MED12L: variants seen among roughly 807,000 people sequenced by gnomAD.
MED12L encodes the protein mediator of RNA polymerase II transcription subunit 12-like protein.
In MED12L, 60 loss-of-function variants were observed where a neutral mutation model predicts 281.3. The ratio of observed to expected loss-of-function variants is 0.21; its 90% CI spans 0.17 to 0.26. The LOEUF is 0.26. Ranked by LOEUF, MED12L falls within the 10% of genes least tolerant of loss-of-function variation. The pLI, the probability that MED12L is intolerant of heterozygous loss-of-function variation, is 1.00. For synonymous variants in MED12L, 974 were observed against 987.2 expected, an observed-to-expected ratio of 0.99 and a Z score of 0.25; for missense variants, 2,146 against 2,680.9, an observed-to-expected ratio of 0.80 and a Z score of 4.41.
intron 44 of MED12L, 74 bp downstream of exon 44, chr3:151,430,454 C>A (rs556873324): frequency 1.3e-6 from 2 of 1,597,474 alleles, no homozygotes; most frequent in East Asian, 4.5e-5. Context: ...CGTAAAGTGG[C>A]GGCTCTCCCA....
At position 151,362,037 on chromosome 3, in the gene MED12L, A is replaced by AT. The variant is rs1023432591; in HGVS notation, c.2957+1440dup. ...GGTAGGGAAAGGATGTTCAACTACC[A>AT]TTTTTTTTCCTTTGTCATACCTCGT... is the stretch of plus-strand genomic sequence containing the variant. On this transcript the variant is annotated intron_variant, in intron 21 of 44. Coordinates refer to ENST00000687756, the MANE Select transcript of MED12L (RefSeq NM_001393769.1). Among the ~76,000 whole-genome samples, 7 of 151,542 alleles carry AT rather than the reference A, an allele frequency of 4.6e-5. No individual in the cohort carries two copies. In the East Asian group the frequency reaches 1.2e-3, roughly 25 times the overall value.
At chr3:151,267,542 C>T (rs1230893489) in intron 16 of MED12L, among the ~76,000 whole-genome samples, 1 of 152,218 alleles carries the variant, frequency 6.6e-6, no homozygotes, top group Non-Finnish European at 1.5e-5. Flanking sequence ...ATGAGAGCCT[C>T]GGTCCTTGCT....
intron 5 of MED12L, among the ~76,000 whole-genome samples, chr3:151,130,791 G>C (rs1406550446): frequency 6.6e-6 from 1 of 152,156 alleles, no homozygotes; most frequent in African/African-American, 2.4e-5. Flanking sequence ...CCCTGTTACT[G>C]TCTTCTTATT....
intron 3 of MED12L, 110 bp from the exon 4 acceptor site, chr3:151,122,673 T>C: frequency 2.8e-6 from 2 of 726,982 alleles, no homozygotes; most frequent in Non-Finnish European, 4.2e-6. Flanking sequence ...TATTTTCTGA[T>C]GGGATGTATG....
At position 151,129,528 on chromosome 3, in the gene MED12L, AAAGAAGTGCCCCTTTTTATT is replaced by A. The variant is rs1408761200; in HGVS notation, c.556+1546_556+1565del. On this transcript the variant is annotated intron_variant, in intron 5 of 44. Transcript: ENST00000687756. Reference sequence around the variant, plus strand: ...ATTTTATTTTATTTGAGGGAATACAAAAGAAGTGCCCCTTTTTATTACTAAAGTAATACATTTTCATTACA... The same window carrying A: ...ATTTTATTTTATTTGAGGGAATACAAACTAAAGTAATACATTTTCATTACA... 8.5e-5 allele frequency among the ~76,000 whole-genome samples: 13 copies of A among 152,248 alleles called. No homozygotes were observed. The East Asian group carries it at 2.3e-3, about 27-fold the overall frequency.
chr3:151,263,282 C>G (rs1009690539), intron 16 of MED12L, among the ~76,000 whole-genome samples: 1 of 152,124 alleles, frequency 6.6e-6, no homozygotes, highest in Non-Finnish European at 1.5e-5. Flanking sequence ...GAAATAATGC[C>G]AGCTGAGTGG....
chr3:151,144,326 T>C (rs1275936693), intron 5 of MED12L, among the ~76,000 whole-genome samples: 3 of 152,076 alleles, frequency 2.0e-5, no homozygotes, highest in African/African-American at 7.2e-5. Context: ...AAAATGAGAA[T>C]TGGAGACCTG....
At chr3:151,251,316 C>T (rs1232264220) in intron 16 of MED12L, among the ~76,000 whole-genome samples, 3 of 152,160 alleles carry the variant, frequency 2.0e-5, no homozygotes, top group Non-Finnish European at 2.9e-5. Context: ...ACCCATTACC[C>T]AAGCTGTCAA....
At chr3:151,312,277 T>G (rs1747652201) in intron 16 of MED12L, among the ~76,000 whole-genome samples, 1 of 152,222 alleles carries the variant, frequency 6.6e-6, no homozygotes, top group South Asian at 2.1e-4. Flanking sequence ...ATTTATGCAT[T>G]GTTTTCTTGG....
intron 5 of MED12L, among the ~76,000 whole-genome samples, chr3:151,132,933 C>T (rs1322553043): frequency 6.6e-6 from 1 of 152,130 alleles, no homozygotes; most frequent in Non-Finnish European, 1.5e-5. Flanking sequence ...GGGATACAGC[C>T]AAGGGAGTAC....
intron 16 of MED12L, among the ~76,000 whole-genome samples, chr3:151,242,216 C>T (rs1379424413): frequency 6.6e-6 from 1 of 152,264 alleles, no homozygotes; most frequent in African/African-American, 2.4e-5. Flanking sequence ...CGCCATTGCC[C>T]AGGCTTGATT....
intron 14 of MED12L, 21 bp downstream of exon 14, chr3:151,190,952 C>A: frequency 1.2e-6 from 2 of 1,600,750 alleles, no homozygotes; most frequent in Non-Finnish European, 1.7e-6. Context: ...GGATATGATG[C>A]CCCACTCCCC....
rs1755913210 is a variant in MED12L, at chr3:151,369,446, C to T, written c.3561C>T (p.Phe1187=). ...TTGTTGTTTTTGTAGGCAAACCTTT[C>T]CCTGGAATAAGATCATCTTGTGATA... is the stretch of plus-strand genomic sequence containing the variant. ...CFLPQATGKP[F]PGIRSSCDRH... is the part of the protein sequence containing the mutation. Residue 1187 remains phenylalanine, a synonymous_variant, in exon 26 of 45, where the codon TTC becomes TTT. Transcript: ENST00000687756. 2 of 1,601,292 alleles carry T rather than the reference C, an allele frequency of 1.2e-6. No individual in the cohort carries two copies. Among genetic ancestry groups the T allele is most frequent in the Non-Finnish European group, 1.7e-6 (2 of 1,173,766 alleles).
chr3:151,101,732 G>A (rs929417744), intron 2 of MED12L, among the ~76,000 whole-genome samples: 3 of 152,134 alleles, frequency 2.0e-5, no homozygotes, highest in African/African-American at 4.8e-5. Context: ...GTGAGCTCAC[G>A]TGGTTTTGCT....
chr3:151,355,794 T>A, intron 18 of MED12L, 102 bp from the exon 19 acceptor site: 1 of 1,000,920 alleles, frequency 1.0e-6, no homozygotes, highest in Non-Finnish European at 1.4e-6. Context: ...CAAAGTAGAA[T>A]CATGTATAGA....
chr3:151,295,090 TATAATG>T (rs1216904179), intron 16 of MED12L: 27 of 1,613,516 alleles, frequency 1.7e-5, no homozygotes, highest in Non-Finnish European at 2.1e-5. Flanking sequence ...TTGCCACAAA[TATAATG>T]AGATAAAGCA....
At chr3:151,196,957 C>G (rs371286691) in intron 16 of MED12L, among the ~76,000 whole-genome samples, 2 of 152,106 alleles carry the variant, frequency 1.3e-5, no homozygotes, top group Non-Finnish European at 2.9e-5. Context: ...GATTTACCAG[C>G]GGTTTTTATA....
At chr3:151,399,080 A>T (rs1449946340) in intron 39 of MED12L, among the ~76,000 whole-genome samples, 1 of 152,192 alleles carries the variant, frequency 6.6e-6, no homozygotes, top group Non-Finnish European at 1.5e-5. Flanking sequence ...TTCTTACTCA[A>T]TATCCTGTAT....
intron 20 of MED12L, 100 bp from the exon 21 acceptor site, chr3:151,360,374 T>C: frequency 2.7e-6 from 3 of 1,097,184 alleles, no homozygotes; most frequent in Non-Finnish European, 4.0e-6. Context: ...AATATCCTTT[T>C]TCTTACCCAA....
Sources: gnomAD v4.1 joint callset for allele counts (sites outside exome capture counted in the v4.1 genomes callset) on GRCh38, gnomAD v4.1.1 for gene constraint, MANE v1.5 for transcripts, NCBI Gene and HGNC (gene_info 2026-07-23, HGNC 2026-07-21) for gene names.